The following CACNA2D4 variants were observed in gnomAD, a reference collection of about 807,000 sequenced individuals.
The protein encoded by CACNA2D4 is calcium voltage-gated channel auxiliary subunit alpha2delta 4.
A neutral mutation model predicts 163.8 loss-of-function variants in CACNA2D4; 157 were observed. The observed-to-expected ratio is 0.96, with a 90% CI of 0.84 to 1.09. The LOEUF is 1.09. Ranked by LOEUF, CACNA2D4 falls within the 50% of genes least tolerant of loss-of-function variation. The pLI is 0.00. For missense variants in CACNA2D4, 1,410 were observed against 1,479.9 expected, an observed-to-expected ratio of 0.95 and a Z score of 0.78; for synonymous variants, 598 against 586.9, an observed-to-expected ratio of 1.02 and a Z score of -0.27.
chr12:1,837,081 G>A lies in CACNA2D4; in HGVS notation c.2551+3658C>T, dbSNP rs551721874. Among the ~76,000 whole-genome samples, 11 of 152,364 alleles carry A rather than the reference G, an allele frequency of 7.2e-5. No homozygotes were observed. The East Asian group carries it at 1.4e-3, about 19-fold the overall frequency. On this transcript the variant is annotated intron_variant, in intron 26 of 37. Coordinates refer to ENST00000382722, the MANE Select transcript of CACNA2D4 (RefSeq NM_172364.5). ...CTCTGGGCGACACCGAGGTTGTGGT[G>A]CGAAGGTGAGCTGGGGAGCCCGCCA... is the stretch of plus-strand genomic sequence containing the variant.
intron 13 of CACNA2D4, among the ~76,000 whole-genome samples, chr12:1,881,078 G>A (rs903939093): frequency 6.6e-6 from 1 of 152,158 alleles, no homozygotes; most frequent in East Asian, 1.9e-4. Flanking sequence ...AAGTGGGTCC[G>A]GGAGACCTGC....
intron 23 of CACNA2D4, among the ~76,000 whole-genome samples, chr12:1,849,045 G>C (rs1000413594): frequency 6.6e-6 from 1 of 152,154 alleles, no homozygotes; most frequent in Non-Finnish European, 1.5e-5. Flanking sequence ...ACGACAAGAT[G>C]TTCCAGGTTC....
At chr12:1,847,028 G>A (rs930778032) in intron 23 of CACNA2D4, among the ~76,000 whole-genome samples, 1 of 152,186 alleles carries the variant, frequency 6.6e-6, no homozygotes, top group Non-Finnish European at 1.5e-5. Flanking sequence ...TTCTGTCCTG[G>A]GACCTAAGGA....
At chr12:1,816,676 T>C (rs2154446100) in intron 26 of CACNA2D4, among the ~76,000 whole-genome samples, 1 of 152,374 alleles carries the variant, frequency 6.6e-6, no homozygotes, top group South Asian at 2.1e-4. Context: ...ACGTCTTTGC[T>C]GTGCACACAG....
intron 26 of CACNA2D4, among the ~76,000 whole-genome samples, chr12:1,840,463 C>T (rs915987096): frequency 2.4e-3 from 3 of 1,248 alleles, no homozygotes; most frequent in Non-Finnish European, 4.9e-3. Context: ...TGGGGGGCGG[C>T]GGGGGGCTGG....
chr12:1,797,460 A>G lies in CACNA2D4; in HGVS notation c.3071T>C (p.Ile1024Thr). ...EYPVFVYQPA[I>T]REANGIVECG... Reference sequence around the variant, plus strand: ...CTCCACGATCCCGTTGGCCTCCCGGATGGCCGGCTGGTACACGAACACGGG... The same window carrying G: ...CTCCACGATCCCGTTGGCCTCCCGGGTGGCCGGCTGGTACACGAACACGGG... Residue 1024 changes from isoleucine (I) to threonine (T), a missense_variant, in exon 35 of 38, where the codon ATC becomes ACC. Coordinates refer to ENST00000382722, the MANE Select transcript of CACNA2D4 (RefSeq NM_172364.5). 1 of 1,582,542 alleles carries G rather than the reference A, an allele frequency of 6.3e-7. No individual in the cohort carries two copies. Among genetic ancestry groups the G allele is most frequent in the Non-Finnish European group, 8.6e-7 (1 of 1,167,820 alleles).
chr12:1,877,616 C>T (rs188794419), intron 16 of CACNA2D4, among the ~76,000 whole-genome samples: 2 of 152,298 alleles, frequency 1.3e-5, no homozygotes, highest in Admixed American at 1.3e-4. Context: ...CCTAAGTTCT[C>T]CGGAAGGTGC....
chr12:1,848,744 T>C (rs1406104379), intron 23 of CACNA2D4, among the ~76,000 whole-genome samples: 2 of 145,108 alleles, frequency 1.4e-5, no homozygotes, highest in East Asian at 4.0e-4. Flanking sequence ...ATATATTTCA[T>C]ATGTTTTAAC....
Position 1,844,637 on chromosome 12 carries a change from G to C in CACNA2D4, c.2343-108C>G, listed in dbSNP as rs1865103410. The C allele has an allele frequency of 4.1e-6, 5 of 1,215,996 alleles. No homozygotes were observed. The highest frequency in any genetic ancestry group is 4.6e-6 in the Non-Finnish European group (4 of 864,350). The allele number at this position is 1,215,996 out of a possible 1,614,324, so 75.3% of individuals were successfully genotyped here. Reference sequence around the variant, plus strand: ...TGGCTGGGCTAAGAGAGTGATTTTAGCCCCTAAATTAGTACGGCCCCAGAC... The same window carrying C: ...TGGCTGGGCTAAGAGAGTGATTTTACCCCCTAAATTAGTACGGCCCCAGAC... On this transcript the variant is annotated intron_variant, in intron 24 of 37. Transcript: ENST00000382722. The surrounding 1 kb of genome is among the most constrained non-coding windows in gnomAD (Gnocchi z 4.2).
chr12:1,831,149 G>T (rs765463520), intron 26 of CACNA2D4: 17 of 1,614,008 alleles, frequency 1.1e-5, no homozygotes, highest in Non-Finnish European at 1.4e-5. Flanking sequence ...TCTCCAGCCT[G>T]CAGCGGTTGG....
At chr12:1,891,965 C>T (rs1866293925) in intron 6 of CACNA2D4, among the ~76,000 whole-genome samples, 1 of 151,956 alleles carries the variant, frequency 6.6e-6, no homozygotes, top group African/African-American at 2.4e-5. Context: ...TTTTGGTGTC[C>T]CATAAGGCAA....
chr12:1,835,158 G>C (rs1864802813), intron 26 of CACNA2D4: 1 of 168,492 alleles, frequency 5.9e-6, no homozygotes. Flanking sequence ...GTAGATTTCT[G>C]AGACTCTCTC....
chr12:1,853,985 C>T lies in CACNA2D4; in HGVS notation c.2212G>A (p.Ala738Thr). 6.2e-7 allele frequency: 1 copy of T among 1,613,184 alleles called. No individual in the cohort carries two copies. The highest frequency in any genetic ancestry group is 1.7e-4 in the Middle Eastern group (1 of 6,060). Residue 738 changes from alanine (A) to threonine (T), a missense_variant, in exon 23 of 38, where the codon GCC becomes ACC. Transcript: ENST00000382722. ...TTGAGGGCCAGCGCTGTCCAGTAGG[C>T]TTCCATGGGGGCTGTCACCACCGCG... Reference protein sequence around the residue: ...FDAVVTAPMEAYWTALALNMS... With the variant: ...FDAVVTAPMETYWTALALNMS...
rs534386731 is a variant in CACNA2D4, at chr12:1,799,924, C to T, written c.2974+76G>A. 546 of 1,485,792 alleles carry T rather than the reference C, an allele frequency of 3.7e-4. No individual in the cohort carries two copies. The highest frequency in any genetic ancestry group is 4.7e-4 in the Non-Finnish European group (513 of 1,087,608). 92.0% of individuals were successfully genotyped at this position (1,485,792 alleles called of 1,614,324 possible). On this transcript the variant is annotated intron_variant, in intron 33 of 37. Transcript: ENST00000382722. The surrounding 1 kb of genome is among the most constrained non-coding windows in gnomAD (Gnocchi z 4.7). ...CCTATCCCCACTGTCACCCACCCCA[C>T]AGGGAATGGTCTCACGTTAGTGGAC...
chr12:1,878,263 C>T lies in CACNA2D4; in HGVS notation c.1719+52G>A. 6.4e-7 allele frequency: 1 copy of T among 1,564,532 alleles called. No individual in the cohort carries two copies. The highest frequency in any genetic ancestry group is 8.7e-7 in the Non-Finnish European group (1 of 1,152,612). The stretch of plus-strand genomic sequence containing the variant: ...TTGTTTTAATCGTTTTTGTGAATTA[C>T]CCCCAAATCCCATACAGTAAGGATC... On this transcript the variant is annotated intron_variant, in intron 16 of 37. Coordinates refer to ENST00000382722, the MANE Select transcript of CACNA2D4 (RefSeq NM_172364.5). This position sits in a 1 kb window ranked among gnomAD's most constrained non-coding sequence, Gnocchi z 4.6.
chr12:1,871,049 G>A (rs112457460), intron 18 of CACNA2D4, among the ~76,000 whole-genome samples: 3 of 152,166 alleles, frequency 2.0e-5, no homozygotes, highest in African/African-American at 4.8e-5. Flanking sequence ...GTGTGTATAC[G>A]TGTGTGTTGC....
intron 18 of CACNA2D4, among the ~76,000 whole-genome samples, chr12:1,864,356 A>T (rs1278615971): frequency 2.0e-5 from 3 of 152,214 alleles, no homozygotes; most frequent in Non-Finnish European, 4.4e-5. Context: ...ATTTTGGTAA[A>T]TACGAATGTT....
chr12:1,795,256 G>C, intron 37 of CACNA2D4, 43 bp downstream of exon 37: 4 of 1,568,800 alleles, frequency 2.5e-6, no homozygotes, highest in Middle Eastern at 1.7e-4. Flanking sequence ...AGAGGGTTTG[G>C]GGATGAAAAT....
At chr12:1,862,884 T>G (rs1865554829) in intron 18 of CACNA2D4, among the ~76,000 whole-genome samples, 1 of 152,242 alleles carries the variant, frequency 6.6e-6, no homozygotes, top group Non-Finnish European at 1.5e-5. Flanking sequence ...GTCTGCCTGC[T>G]TTTTCATTTT....
Sources: allele counts gnomAD v4.1 joint callset (sites outside exome capture counted in the v4.1 genomes callset), GRCh38; gene constraint gnomAD v4.1.1; non-coding constraint Gnocchi (gnomAD v3.1); transcripts MANE v1.5; gene names NCBI Gene and HGNC (gene_info 2026-07-23, HGNC 2026-07-21).